Variants in MYT1L observed in about 807,000 individuals in gnomAD.
MYT1L encodes the protein myelin transcription factor 1 like.
MYT1L carries 12 observed loss-of-function variants against 126.7 expected under a neutral mutation model. That is an observed-to-expected ratio of 0.09 (90% CI 0.06 to 0.15). MYT1L has a LOEUF of 0.15. MYT1L is among the 10% of genes least tolerant of loss of function. The pLI, the probability that MYT1L is intolerant of heterozygous loss-of-function variation, is 1.00. For synonymous variants in MYT1L, 541 were observed against 604.2 expected (o/e 0.90, Z 1.53); for missense variants, 979 against 1,585.2 (o/e 0.62, Z 6.49).
intron 2 of MYT1L, among the ~76,000 whole-genome samples, chr2:2,220,471 C>T (rs1183115519): frequency 1.3e-5 from 2 of 152,132 alleles, no homozygotes; most frequent in African/African-American, 2.4e-5. Context: ...TTTGAAGTCT[C>T]ATAGTGGCTG....
At chr2:1,861,435 G>A (rs2044576921) in intron 18 of MYT1L, among the ~76,000 whole-genome samples, 1 of 151,844 alleles carries the variant, frequency 6.6e-6, no homozygotes, top group South Asian at 2.1e-4. Flanking sequence ...CAGCAGAAAT[G>A]TTGATCCTCA....
At chr2:2,045,046 G>C (rs2068011578) in intron 4 of MYT1L, among the ~76,000 whole-genome samples, 1 of 152,178 alleles carries the variant, frequency 6.6e-6, no homozygotes, top group Non-Finnish European at 1.5e-5. Flanking sequence ...GAGGAGCAAT[G>C]GCAGTTTAAG....
chr2:1,905,732 T>C (rs1403446246), intron 13 of MYT1L, among the ~76,000 whole-genome samples: 1 of 152,232 alleles, frequency 6.6e-6, no homozygotes, highest in Non-Finnish European at 1.5e-5. Flanking sequence ...CCTGTACCTC[T>C]AGCACAAATG....
intron 21 of MYT1L, among the ~76,000 whole-genome samples, chr2:1,819,948 C>T (rs2038262811): frequency 6.6e-6 from 1 of 152,080 alleles, no homozygotes; most frequent in Admixed American, 6.5e-5. Context: ...AGCATGTAAT[C>T]CTGGCAACCA....
intron 2 of MYT1L, among the ~76,000 whole-genome samples, chr2:2,227,042 A>T (rs2094027278): frequency 6.6e-6 from 1 of 151,958 alleles, no homozygotes; most frequent in Non-Finnish European, 1.5e-5. Flanking sequence ...AACTCAGCAG[A>T]TCCTTCATTT....
At position 1,840,626 on chromosome 2, in the gene MYT1L, T is replaced by C. The variant is rs909383249; in HGVS notation, c.2858+134A>G. On this transcript the variant is annotated intron_variant, in intron 20 of 24. Coordinates refer to ENST00000647738, the MANE Select transcript of MYT1L (RefSeq NM_001303052.2). ...TGGGTCTAAGTTATCTGACCTTGCA[T>C]TTGTGGAAATCTCAAAGAATGGCCA... is the stretch of plus-strand genomic sequence containing the variant. The C allele has an allele frequency of 5.0e-5, 34 of 682,396 alleles. No individual in the cohort carries two copies. In the East Asian group the frequency reaches 9.4e-4, roughly 19 times the overall value. The allele number at this position is 682,396 out of a possible 1,614,324, so 42.3% of individuals were successfully genotyped here. A position where few individuals can be genotyped will look rare whatever the true frequency, so the allele number is the denominator to read the frequency against.
intron 3 of MYT1L, among the ~76,000 whole-genome samples, chr2:2,054,483 TATGGAGACAC>T (rs1397359099): frequency 6.6e-6 from 1 of 150,900 alleles, no homozygotes; most frequent in Non-Finnish European, 1.5e-5. Context: ...TGATGAGACA[TATGGAGACAC>T]ATGGAGATAA....
intron 8 of MYT1L, among the ~76,000 whole-genome samples, chr2:1,972,816 G>C (rs879615066): frequency 6.6e-6 from 1 of 152,218 alleles, no homozygotes; most frequent in Admixed American, 6.5e-5. Context: ...AGGGACCCCA[G>C]TCATGTTCTA....
chr2:1,860,637 C>T (rs1297641636), intron 18 of MYT1L, among the ~76,000 whole-genome samples: 2 of 152,130 alleles, frequency 1.3e-5, no homozygotes, highest in South Asian at 2.1e-4. Context: ...TCCTTTCGGG[C>T]GGTGGGATCC....
intron 13 of MYT1L, among the ~76,000 whole-genome samples, chr2:1,907,854 C>T (rs1412928305): frequency 6.6e-6 from 1 of 152,264 alleles, no homozygotes. Context: ...TGTCCTCCAG[C>T]TGTCACACCC....
chr2:1,797,314 C>G (rs2033774132), intron 23 of MYT1L, among the ~76,000 whole-genome samples: 1 of 152,202 alleles, frequency 6.6e-6, no homozygotes, highest in Non-Finnish European at 1.5e-5. Flanking sequence ...AGCTCCACCT[C>G]CTGGGTTCAC....
At chr2:2,201,016 T>C (rs2093048878) in intron 2 of MYT1L, among the ~76,000 whole-genome samples, 1 of 152,252 alleles carries the variant, frequency 6.6e-6, no homozygotes, top group Non-Finnish European at 1.5e-5. Flanking sequence ...ATGAATTGTG[T>C]ATGATGCACA....
intron 21 of MYT1L, among the ~76,000 whole-genome samples, chr2:1,829,689 C>T (rs1487666082): frequency 1.6e-5 from 2 of 123,046 alleles, no homozygotes; most frequent in Non-Finnish European, 3.2e-5. Context: ...ATTGACCCTC[C>T]CATACACCTG....
intron 13 of MYT1L, among the ~76,000 whole-genome samples, chr2:1,908,339 C>A (rs1319566249): frequency 6.6e-6 from 1 of 152,162 alleles, no homozygotes; most frequent in Non-Finnish European, 1.5e-5. Context: ...CTGTGCTGGC[C>A]CCCGAGAGCA....
intron 21 of MYT1L, among the ~76,000 whole-genome samples, chr2:1,817,560 C>T (rs1015501146): frequency 1.2e-4 from 18 of 152,344 alleles, no homozygotes; most frequent in Admixed American, 5.2e-4. Flanking sequence ...TGTCCAAACG[C>T]GGCTGTGTCG....
At chr2:2,058,853 C>T (rs1423205706) in intron 3 of MYT1L, among the ~76,000 whole-genome samples, 1 of 152,182 alleles carries the variant, frequency 6.6e-6, no homozygotes, top group African/African-American at 2.4e-5. Flanking sequence ...TTCTCAGTGA[C>T]ATCTGTGTCT....
intron 4 of MYT1L, among the ~76,000 whole-genome samples, chr2:2,003,721 T>A (rs1350874311): frequency 6.6e-6 from 1 of 152,178 alleles, no homozygotes; most frequent in Non-Finnish European, 1.5e-5. Flanking sequence ...TGCTTAGGGC[T>A]GCCGAGCCTC....
chr2:2,118,963 C>A (rs572953244), intron 3 of MYT1L, among the ~76,000 whole-genome samples: 3 of 152,266 alleles, frequency 2.0e-5, no homozygotes, highest in African/African-American at 7.2e-5. Flanking sequence ...TGACAGCGTG[C>A]GCCAGGGCGC....
At chr2:2,007,891 C>T (rs1378461313) in intron 4 of MYT1L, among the ~76,000 whole-genome samples, 1 of 152,180 alleles carries the variant, frequency 6.6e-6, no homozygotes, top group African/African-American at 2.4e-5. Flanking sequence ...ACCCAACTGC[C>T]TTTGTAAAGC....
Sources: allele counts gnomAD v4.1 joint callset (sites outside exome capture counted in the v4.1 genomes callset), GRCh38; gene constraint gnomAD v4.1.1; transcripts MANE v1.5; gene names NCBI Gene and HGNC (gene_info 2026-07-23, HGNC 2026-07-21).